The following ADGRB3 variants were observed in gnomAD, a reference collection of about 807,000 sequenced individuals.
The protein encoded by ADGRB3 is adhesion G protein-coupled receptor B3.
ADGRB3 carries 37 observed loss-of-function variants against 193.4 expected under a neutral mutation model. That is an observed-to-expected ratio of 0.19 (90% CI 0.15 to 0.25). The LOEUF is 0.25. Ranked by LOEUF, ADGRB3 falls within the 10% of genes least tolerant of loss-of-function variation. The probability of loss-of-function intolerance (pLI) is 1.00; values close to 1 mark genes in which losing one functional copy is unlikely to be tolerated. For missense variants in ADGRB3, 1,637 were observed against 1,852.9 expected, an observed-to-expected ratio of 0.88 and a Z score of 2.14; for synonymous variants, 690 against 644.2, an observed-to-expected ratio of 1.07 and a Z score of -1.08.
chr6:69,343,502 G>T (rs1769023842), intron 26 of ADGRB3, among the ~76,000 whole-genome samples: 1 of 151,848 alleles, frequency 6.6e-6, no homozygotes. Flanking sequence ...TTTCAAATCA[G>T]AAGAAAAGGG....
intron 3 of ADGRB3, among the ~76,000 whole-genome samples, chr6:68,717,467 GA>G (rs1765507561): frequency 6.6e-6 from 1 of 151,652 alleles, no homozygotes; most frequent in Non-Finnish European, 1.5e-5. Context: ...TTATTTTATA[GA>G]AAGTCTTCCT....
intron 3 of ADGRB3, among the ~76,000 whole-genome samples, chr6:68,840,300 G>C (rs1363596340): frequency 1.2e-4 from 18 of 146,778 alleles, no homozygotes; most frequent in Non-Finnish European, 8.9e-5. Context: ...AGAGTAAAGA[G>C]GACTTTGTCT....
At chr6:68,886,463 G>T (rs1765910528) in intron 3 of ADGRB3, among the ~76,000 whole-genome samples, 2 of 152,068 alleles carry the variant, frequency 1.3e-5, no homozygotes, top group Non-Finnish European at 1.5e-5. Context: ...AATATGGACT[G>T]TCTCACATAT....
At chr6:68,837,447 A>G (rs1399022514) in intron 3 of ADGRB3, among the ~76,000 whole-genome samples, 2 of 152,212 alleles carry the variant, frequency 1.3e-5, no homozygotes, top group East Asian at 3.8e-4. Context: ...CAACTGTTCA[A>G]ATATCTTTAT....
At chr6:68,727,611 T>TA (rs1562007452) in intron 3 of ADGRB3, among the ~76,000 whole-genome samples, 1 of 151,284 alleles carries the variant, frequency 6.6e-6, no homozygotes, top group African/African-American at 2.4e-5. Context: ...CTCTTTAGAC[T>TA]AAAAAAAAGT....
chr6:68,810,647 G>A (rs1364196262), intron 3 of ADGRB3, among the ~76,000 whole-genome samples: 2 of 151,978 alleles, frequency 1.3e-5, no homozygotes, highest in African/African-American at 2.4e-5. Context: ...CAATGCATGA[G>A]ATAAGAAAAA....
At chr6:69,019,327 G>A (rs1016731105) in intron 13 of ADGRB3, among the ~76,000 whole-genome samples, 2 of 151,968 alleles carry the variant, frequency 1.3e-5, no homozygotes, top group African/African-American at 4.8e-5. Flanking sequence ...TTTAAATAAA[G>A]ATATTTTGCC....
At chr6:68,908,440 TATTCCTCTTCACC>T (rs1766610133) in intron 3 of ADGRB3, among the ~76,000 whole-genome samples, 1 of 152,112 alleles carries the variant, frequency 6.6e-6, no homozygotes, top group Non-Finnish European at 1.5e-5. Flanking sequence ...CTACTTTCAC[TATTCCTCTTCACC>T]TGATTTCAAA....
intron 3 of ADGRB3, among the ~76,000 whole-genome samples, chr6:68,694,231 G>T (rs1239701163): frequency 6.6e-6 from 1 of 151,938 alleles, no homozygotes; most frequent in Non-Finnish European, 1.5e-5. Flanking sequence ...TTTATAGGAG[G>T]CATGATGCCA....
At chr6:68,846,496 G>C (rs1768277341) in intron 3 of ADGRB3, among the ~76,000 whole-genome samples, 1 of 152,332 alleles carries the variant, frequency 6.6e-6, no homozygotes, top group East Asian at 1.9e-4. Context: ...AGGCCCAGGG[G>C]CCCCATGCTG....
At chr6:68,987,018 C>T (rs1562111493) in intron 10 of ADGRB3, among the ~76,000 whole-genome samples, 8 of 152,060 alleles carry the variant, frequency 5.3e-5, no homozygotes. Flanking sequence ...TGAAGAGCAA[C>T]TATTTTTAGA....
chr6:69,153,475 G>T (rs1323168954), intron 17 of ADGRB3, among the ~76,000 whole-genome samples: 1 of 152,160 alleles, frequency 6.6e-6, no homozygotes, highest in Non-Finnish European at 1.5e-5. Context: ...ATAATAAGGG[G>T]TTGACATTTT....
intron 6 of ADGRB3, among the ~76,000 whole-genome samples, chr6:68,955,456 A>G (rs1768046374): frequency 6.6e-6 from 1 of 152,152 alleles, no homozygotes; most frequent in Admixed American, 6.5e-5. Flanking sequence ...TGCATCTTTG[A>G]GTGATCAATA....
At chr6:69,234,970 T>C in intron 18 of ADGRB3, 62 bp from the exon 19 acceptor site, 1 of 1,329,830 alleles carries the variant, frequency 7.5e-7, no homozygotes, top group Non-Finnish European at 1.1e-6. Context: ...TTGCTGAGTC[T>C]AGAAGTTATT....
In ADGRB3 at chr6:68,778,820, G is replaced by A. The variant is rs79856714; in HGVS notation, c.757+139388G>A. On this transcript the variant is annotated intron_variant, in intron 3 of 31. Coordinates refer to ENST00000370598, the MANE Select transcript of ADGRB3 (RefSeq NM_001704.3). Reference sequence around the variant, plus strand: ...CAGGATTGCCATCTGGTGGAGCACAGAAGGCACTTCTGGTTTGGACTTAAC... The same window carrying A: ...CAGGATTGCCATCTGGTGGAGCACAAAAGGCACTTCTGGTTTGGACTTAAC... 1.6e-4 allele frequency among the ~76,000 whole-genome samples: 25 copies of A among 152,146 alleles called. No individual in the cohort carries two copies. The East Asian group carries it at 4.7e-3, about 28-fold the overall frequency.
intron 3 of ADGRB3, among the ~76,000 whole-genome samples, chr6:68,910,968 T>C (rs1454291004): frequency 2.0e-5 from 3 of 152,144 alleles, no homozygotes; most frequent in Non-Finnish European, 4.4e-5. Flanking sequence ...TTGATGGGGA[T>C]GGCATTGAAA....
chr6:68,846,413 T>C (rs769357046), intron 3 of ADGRB3, among the ~76,000 whole-genome samples: 3 of 152,242 alleles, frequency 2.0e-5, no homozygotes, highest in Non-Finnish European at 4.4e-5. Context: ...GTTCAGGCCA[T>C]GTCAGAGACC....
At chr6:69,064,961 T>G (rs990943690) in intron 16 of ADGRB3, among the ~76,000 whole-genome samples, 1 of 152,150 alleles carries the variant, frequency 6.6e-6, no homozygotes, top group Non-Finnish European at 1.5e-5. Flanking sequence ...ACAGAAGATA[T>G]AAACCATGTA....
intron 13 of ADGRB3, among the ~76,000 whole-genome samples, chr6:69,040,666 A>C (rs1467414431): frequency 8.9e-6 from 1 of 112,258 alleles, no homozygotes; most frequent in African/African-American, 3.4e-5. Flanking sequence ...CTTTGAAATG[A>C]CTGATGGACA....
Sources: gnomAD v4.1 joint callset for allele counts (sites outside exome capture counted in the v4.1 genomes callset) on GRCh38, gnomAD v4.1.1 for gene constraint, MANE v1.5 for transcripts, NCBI Gene and HGNC (gene_info 2026-07-23, HGNC 2026-07-21) for gene names.